Variants in ABR observed in about 807,000 individuals in gnomAD.
ABR encodes the protein ABR activator of RhoGEF and GTPase, also known as active breakpoint cluster region-related protein.
A neutral mutation model predicts 107.2 loss-of-function variants in ABR; 35 were observed. The ratio of observed to expected loss-of-function variants is 0.33; its 90% CI spans 0.25 to 0.43. ABR has a LOEUF of 0.43. Among genes scored for constraint, ABR ranks in the 20% least tolerant of loss-of-function variants. ABR has a pLI of 1.00. For missense variants in ABR, 815 were observed against 1,115.2 expected, an observed-to-expected ratio of 0.73 and a Z score of 3.83; for synonymous variants, 498 against 462.0, an observed-to-expected ratio of 1.08 and a Z score of -1.00.
intron 1 of ABR, among the ~76,000 whole-genome samples, chr17:1,166,220 C>G (rs1490076898): frequency 1.3e-5 from 2 of 152,130 alleles, no homozygotes; most frequent in Non-Finnish European, 2.9e-5. Context: ...TCGTCTGACT[C>G]CACGCGGCTG....
chr17:1,039,677 A>C (rs530359607), intron 16 of ABR: 47 of 152,620 alleles, frequency 3.1e-4, no homozygotes, highest in African/African-American at 1.1e-3. Flanking sequence ...AGGAAGTAGA[A>C]CCAGGCCTGG....
chr17:1,185,025 G>C (rs16959359), intron 1 of ABR: 32 of 152,160 alleles, frequency 2.1e-4, no homozygotes, highest in Admixed American at 5.2e-4. Flanking sequence ...CAGGGTTCCC[G>C]TGTGTAATCT....
rs542945255 is a variant in ABR at position 1,150,773 on chromosome 17, G to T, written c.62-25406C>A. 6.6e-6 allele frequency among the ~76,000 whole-genome samples: 1 copy of T among 152,304 alleles called. No individual in the cohort carries two copies. Among genetic ancestry groups the T allele is most frequent in the African/African-American group, 2.4e-5 (1 of 41,562 alleles). On this transcript the variant is annotated intron_variant, in intron 1 of 22. Transcript: ENST00000302538. This position sits in a 1 kb window ranked among gnomAD's most constrained non-coding sequence, Gnocchi z 4.8. ...CGCGAGCAGGGAGGGACGAAGGGAGGAGCATCACGCACACAGACGCCGGAC... is the reference window on the plus strand; with the variant it reads ...CGCGAGCAGGGAGGGACGAAGGGAGTAGCATCACGCACACAGACGCCGGAC...
At chr17:1,166,677 G>C (rs1171704865) in intron 1 of ABR, among the ~76,000 whole-genome samples, 3 of 152,222 alleles carry the variant, frequency 2.0e-5, no homozygotes, top group Admixed American at 6.5e-5. Context: ...AGTGTGGGCA[G>C]CGCGGGCCTC....
intron 1 of ABR, among the ~76,000 whole-genome samples, chr17:1,156,948 T>C (rs1432425129): frequency 1.3e-5 from 2 of 152,244 alleles, no homozygotes; most frequent in African/African-American, 2.4e-5. Flanking sequence ...ACAGCCACTG[T>C]GTCCAGGGAT....
chr17:1,057,334 GTGTGTGTGTGTGTGTGTGTGTGTGTGT>G (rs2033421787), intron 12 of ABR, among the ~76,000 whole-genome samples: 1 of 95,972 alleles, frequency 1.0e-5, no homozygotes, highest in African/African-American at 3.3e-5. Flanking sequence ...GTGTGTGTGT[GTGTGTGTGTGTGTGTGTGTGTGTGTGT>G]GTGTGGTGTA....
intron 2 of ABR, among the ~76,000 whole-genome samples, chr17:1,124,537 G>T (rs1051026495): frequency 1.3e-5 from 2 of 152,206 alleles, no homozygotes; most frequent in Non-Finnish European, 2.9e-5. Flanking sequence ...AGTCCCTGTC[G>T]CCAGGAACAC....
intron 1 of ABR, among the ~76,000 whole-genome samples, chr17:1,227,582 T>G (rs1226352591): frequency 1.3e-5 from 2 of 152,216 alleles, no homozygotes; most frequent in African/African-American, 2.4e-5. Flanking sequence ...TTCATTCAAA[T>G]GCAAACTCAT....
chr17:1,011,067 G>T lies in ABR; in HGVS notation c.2102-204C>A. The T allele has an allele frequency of 1.6e-6, 1 of 617,948 alleles. No individual in the cohort carries two copies. Among genetic ancestry groups the T allele is most frequent in the Non-Finnish European group, 2.8e-6 (1 of 357,896 alleles). The allele number at this position is 617,948 out of a possible 1,614,324, so 38.3% of individuals were successfully genotyped here. A position where few individuals can be genotyped will look rare whatever the true frequency, so the allele number is the denominator to read the frequency against. On this transcript the variant is annotated intron_variant, in intron 19 of 22. Coordinates refer to ENST00000302538, the MANE Select transcript of ABR (RefSeq NM_021962.5). This position sits in a 1 kb window ranked among gnomAD's most constrained non-coding sequence, Gnocchi z 4.8. Reference sequence around the variant, plus strand: ...GGGAACAGGGAGAGATAGCCTGGGGGCCATCTGCTGTGGCTGCTTGGGAAA... The same window carrying T: ...GGGAACAGGGAGAGATAGCCTGGGGTCCATCTGCTGTGGCTGCTTGGGAAA...
chr17:1,223,023 G>A (rs1040240437), intron 1 of ABR, among the ~76,000 whole-genome samples: 4 of 151,942 alleles, frequency 2.6e-5, no homozygotes, highest in Admixed American at 6.6e-5. Context: ...ACAACATGGC[G>A]AAACCCCGTC....
At chr17:1,025,825 C>A (rs1397498634) in intron 16 of ABR, among the ~76,000 whole-genome samples, 1 of 152,224 alleles carries the variant, frequency 6.6e-6, no homozygotes, top group African/African-American at 2.4e-5. Flanking sequence ...AGGGTCTCGT[C>A]TGTCTCGGGC....
chr17:1,012,482 G>C (rs947536569), intron 18 of ABR: 5 of 699,480 alleles, frequency 7.1e-6, no homozygotes, highest in African/African-American at 1.7e-5. Context: ...ACCTTCCAGC[G>C]TTTAGGTGCT....
intron 1 of ABR, among the ~76,000 whole-genome samples, chr17:1,158,433 T>C (rs1435167379): frequency 6.6e-6 from 1 of 151,776 alleles, no homozygotes; most frequent in Non-Finnish European, 1.5e-5. Context: ...CCAGACATTG[T>C]ATGTGCTGTT....
rs952234439 is a variant in ABR at position 1,160,586 on chromosome 17, G to C, written c.61+19081C>G. 3.9e-5 allele frequency among the ~76,000 whole-genome samples: 6 copies of C among 152,200 alleles called. No individual in the cohort carries two copies. The East Asian group carries it at 1.2e-3, about 29-fold the overall frequency. On this transcript the variant is annotated intron_variant, in intron 1 of 22. Coordinates refer to ENST00000302538, the MANE Select transcript of ABR (RefSeq NM_021962.5). ...TCTCATGGTTCAGGCACTGTTCCAG[G>C]TGCCAGGGGTACGACGGAGCAGCAA... is the stretch of plus-strand genomic sequence containing the variant.
At chr17:1,072,288 C>A (rs2035299550) in intron 8 of ABR, among the ~76,000 whole-genome samples, 1 of 152,184 alleles carries the variant, frequency 6.6e-6, no homozygotes, top group Non-Finnish European at 1.5e-5. Flanking sequence ...ATCAGGGTGA[C>A]CAAGGGCTGA....
At chr17:1,213,208 G>C (rs1246514146) in intron 1 of ABR, among the ~76,000 whole-genome samples, 2 of 152,208 alleles carry the variant, frequency 1.3e-5, no homozygotes, top group Admixed American at 6.5e-5. Context: ...GAAATGATGA[G>C]ATGTGAAGCT....
chr17:1,019,897 G>A (rs1002168791), intron 16 of ABR, among the ~76,000 whole-genome samples: 1 of 152,180 alleles, frequency 6.6e-6, no homozygotes, highest in Non-Finnish European at 1.5e-5. Flanking sequence ...GAGACAGAGG[G>A]AGCTCGTGAA....
intron 1 of ABR, among the ~76,000 whole-genome samples, chr17:1,127,810 G>T (rs576341466): frequency 6.6e-6 from 1 of 152,294 alleles, no homozygotes; most frequent in Admixed American, 6.5e-5. Flanking sequence ...GGTAGGGAAG[G>T]TCTCTGCCAG....
chr17:1,216,718 C>T (rs1467174378), intron 1 of ABR, among the ~76,000 whole-genome samples: 2 of 152,204 alleles, frequency 1.3e-5, no homozygotes, highest in Non-Finnish European at 2.9e-5. Context: ...CTAAGGACTG[C>T]GCTGTCCTCT....
Sources: allele counts gnomAD v4.1 joint callset (sites outside exome capture counted in the v4.1 genomes callset), GRCh38; gene constraint gnomAD v4.1.1; non-coding constraint Gnocchi (gnomAD v3.1); transcripts MANE v1.5; gene names NCBI Gene and HGNC (gene_info 2026-07-23, HGNC 2026-07-21).